CEP85: variants seen among roughly 807,000 people sequenced by gnomAD.
CEP85 encodes centrosomal protein of 85 kDa.
CEP85 carries 58 observed loss-of-function variants against 93.7 expected under a neutral mutation model. That is an observed-to-expected ratio of 0.62 (90% CI 0.50 to 0.77). The LOEUF (loss-of-function observed/expected upper bound fraction) is 0.77. Among genes scored for constraint, CEP85 ranks in the 30% least tolerant of loss-of-function variants. The probability of loss-of-function intolerance (pLI) is 0.00; values close to 1 mark genes in which losing one functional copy is unlikely to be tolerated. For missense variants in CEP85, 868 were observed against 922.0 expected (o/e 0.94, Z 0.76); for synonymous variants, 314 against 338.6 (o/e 0.93, Z 0.80).
intron 3 of CEP85, among the ~76,000 whole-genome samples, chr1:26,251,259 T>TG (rs996336193): frequency 6.8e-6 from 1 of 146,256 alleles, no homozygotes; most frequent in Non-Finnish European, 1.5e-5. Flanking sequence ...TGGTTTTTTT[T>TG]TTTTTTTTTG....
chr1:26,250,963 CAG>C (rs1462958871), intron 3 of CEP85, among the ~76,000 whole-genome samples: 9 of 56,984 alleles, frequency 1.6e-4, no homozygotes, highest in South Asian at 6.3e-4. Flanking sequence ...TTTTTTGAGA[CAG>C]AGTCTTATTT....
intron 4 of CEP85, among the ~76,000 whole-genome samples, chr1:26,256,268 A>G (rs1240446599): frequency 6.6e-6 from 1 of 152,124 alleles, no homozygotes; most frequent in African/African-American, 2.4e-5. Context: ...ACCATCTTTG[A>G]GGCCAGGTGG....
chr1:26,254,024 G>A (rs897250871), intron 3 of CEP85, among the ~76,000 whole-genome samples: 4 of 151,968 alleles, frequency 2.6e-5, no homozygotes, highest in African/African-American at 7.2e-5. Context: ...TGAGAAGGTC[G>A]TAGCTGATCT....
At chr1:26,271,844 T>G (rs2089979605) in intron 10 of CEP85, 177 bp from the exon 11 acceptor site, 2 of 620,496 alleles carry the variant, frequency 3.2e-6, no homozygotes, top group African/African-American at 1.8e-5. Flanking sequence ...GTGAAGCTAG[T>G]TAGCCAGGAT....
Position 26,268,635 on chromosome 1 carries a change from G to T in CEP85, c.1494G>T (p.Gln498His). The change falls in exon 8 of 14, where the codon CAG becomes CAT. Residue 498 changes from glutamine (Q) to histidine (H), a missense_variant and splice_region_variant. Physicochemically the swap from Gln to His is conservative, Grantham distance 24. Coordinates refer to ENST00000451429, the MANE Select transcript of CEP85 (RefSeq NM_001319944.2). ...AAGACCATCAGAAGCAGAGCCAGCA[G>T]GTAGCAGCAATGTCTTGGCATGCCT... ...TLEDHQKQSQ[Q>H]LKDSELKSTE... The T allele has an allele frequency of 6.2e-7, 1 of 1,606,348 alleles. No homozygotes were observed.
chr1:26,270,881 A>G, intron 9 of CEP85, 133 bp from the exon 10 acceptor site: 1 of 606,104 alleles, frequency 1.6e-6, no homozygotes, highest in Non-Finnish European at 3.0e-6. Context: ...ATATTACAGC[A>G]GACCCAAGTA....
Position 26,255,825 on chromosome 1 carries a change from A to G in CEP85, c.863A>G (p.Gln288Arg), listed in dbSNP as rs768286565. 2 of 1,613,056 alleles carry G rather than the reference A, an allele frequency of 1.2e-6. No individual in the cohort carries two copies. The highest frequency in any genetic ancestry group is 1.7e-6 in the Non-Finnish European group (2 of 1,179,334). Reference sequence around the variant, plus strand: ...TCTTGTGAACTCAGCACTTGTCGGCAGCAGCTGGAATTGATTCGTTTACAG... The same window carrying G: ...TCTTGTGAACTCAGCACTTGTCGGCGGCAGCTGGAATTGATTCGTTTACAG... The part of the protein sequence containing the change: ...EQSCELSTCR[Q>R]QLELIRLQME... The change falls in exon 4 of 14, where the codon CAG becomes CGG. Residue 288 changes from glutamine (Q) to arginine (R), a missense_variant. Coordinates refer to ENST00000451429, the MANE Select transcript of CEP85 (RefSeq NM_001319944.2).
chr1:26,250,661 ATTC>A (rs2089591538), intron 3 of CEP85, among the ~76,000 whole-genome samples: 1 of 152,174 alleles, frequency 6.6e-6, no homozygotes, highest in South Asian at 2.1e-4. Context: ...GAAAAGCCAT[ATTC>A]TTCTGGGTCA....
In CEP85 at chr1:26,276,725, A is replaced by G; in HGVS notation, c.2093A>G (p.His698Arg). The change falls in exon 13 of 14, where the codon CAT becomes CGT. Residue 698 changes from histidine (H) to arginine (R), a missense_variant. By Grantham distance (29) the His-to-Arg change is conservative (BLOSUM62 0). Transcript: ENST00000451429. ...CSIVTQRAQGHDPNLSLLLGI... is the reference protein window; with the variant it reads ...CSIVTQRAQGRDPNLSLLLGI... ...ATTGTGACCCAGAGGGCCCAGGGCC[A>G]TGACCCCAATCTCTCCCTGCTCCTG... 6.2e-7 allele frequency: 1 copy of G among 1,614,146 alleles called. No individual in the cohort carries two copies. Among genetic ancestry groups the G allele is most frequent in the South Asian group, 1.1e-5 (1 of 91,072 alleles).
intron 7 of CEP85, among the ~76,000 whole-genome samples, chr1:26,264,122 T>G (rs1427066538): frequency 3.3e-5 from 5 of 152,224 alleles, no homozygotes; most frequent in Non-Finnish European, 7.3e-5. Flanking sequence ...TGTAATTGTT[T>G]TGGGTGTTTA....
intron 3 of CEP85, among the ~76,000 whole-genome samples, chr1:26,250,619 T>G (rs1013551202): frequency 2.6e-5 from 4 of 152,252 alleles, no homozygotes; most frequent in Non-Finnish European, 4.4e-5. Context: ...CTTAATTTTC[T>G]AATATGTCCA....
rs138144782 is a variant in CEP85, at chr1:26,255,849, A to G, written c.887A>G (p.Gln296Arg). 691 of 1,609,148 alleles carry G rather than the reference A, an allele frequency of 4.3e-4. 5 individuals are homozygous for G. In the African/African-American group the frequency reaches 6.6e-3, roughly 15 times the overall value. The change falls in exon 4 of 14, where the codon CAG becomes CGG. Residue 296 changes from glutamine to arginine, a missense_variant. Gln to Arg is a conservative substitution (Grantham distance 43). Transcript: ENST00000451429. ...CRQQLELIRL[Q>R]MEQMQLQNGA... ...CAGCAGCTGGAATTGATTCGTTTAC[A>G]GATGGAGCAAATGCAGGTAGAGGTC...
chr1:26,272,257 A>G, intron 11 of CEP85, 186 bp downstream of exon 11: 1 of 620,684 alleles, frequency 1.6e-6, no homozygotes, highest in East Asian at 2.8e-5. Context: ...GTTTCAGCAC[A>G]GTACTGTGAG....
At chr1:26,264,768 T>A (rs1222667592) in intron 7 of CEP85, among the ~76,000 whole-genome samples, 2 of 152,094 alleles carry the variant, frequency 1.3e-5, no homozygotes, top group East Asian at 3.8e-4. Flanking sequence ...TTCTTGATGT[T>A]GAGGAGATTG....
chr1:26,276,529 G>A lies in CEP85; in HGVS notation c.1903-6G>A. Reference sequence around the variant, plus strand: ...AGTTAATGTGCTTACCCATCTGTCTGCTCAGCTTTCAGTGCAAAACCAGGA... The same window carrying A: ...AGTTAATGTGCTTACCCATCTGTCTACTCAGCTTTCAGTGCAAAACCAGGA... On this transcript the variant is annotated splice_region_variant and splice_polypyrimidine_tract_variant and intron_variant, in intron 12 of 13. Coordinates refer to ENST00000451429, the MANE Select transcript of CEP85 (RefSeq NM_001319944.2). 1 of 1,612,234 alleles carries A rather than the reference G, an allele frequency of 6.2e-7. No homozygotes were observed. The highest frequency in any genetic ancestry group is 2.2e-5 in the East Asian group (1 of 44,872).
chr1:26,272,640 T>TTTTTTTC (rs2089993922), intron 11 of CEP85, among the ~76,000 whole-genome samples: 1 of 144,696 alleles, frequency 6.9e-6, no homozygotes, highest in Non-Finnish European at 1.5e-5. Context: ...TTTTTTTTTT[T>TTTTTTTC]TTTTGGAGAC....
intron 7 of CEP85, 111 bp from the exon 8 acceptor site, chr1:26,268,372 C>T: frequency 1.7e-6 from 2 of 1,192,858 alleles, no homozygotes; most frequent in South Asian, 1.3e-5. Context: ...GTAGGAGGAT[C>T]ACTTGAGCCT....
chr1:26,261,304 C>G (rs2089803990), intron 7 of CEP85, among the ~76,000 whole-genome samples: 1 of 151,694 alleles, frequency 6.6e-6, no homozygotes, highest in Non-Finnish European at 1.5e-5. Context: ...GAAACCCTGT[C>G]TCTACTAAAA....
At chr1:26,234,549 A>G (rs1267276918) in intron 1 of CEP85, among the ~76,000 whole-genome samples, 1 of 152,152 alleles carries the variant, frequency 6.6e-6, no homozygotes, top group African/African-American at 2.4e-5. Flanking sequence ...CAGTCACTTT[A>G]CCTGCGTGCC....
Sources: allele counts gnomAD v4.1 joint callset (sites outside exome capture counted in the v4.1 genomes callset), GRCh38; gene constraint gnomAD v4.1.1; transcripts MANE v1.5; gene names NCBI Gene and HGNC (gene_info 2026-07-23, HGNC 2026-07-21).